Variants in MYH10 observed in about 807,000 individuals in gnomAD.
MYH10 encodes myosin heavy chain 10.
A neutral mutation model predicts 257.8 loss-of-function variants in MYH10; 55 were observed. That is an observed-to-expected ratio of 0.21 (90% CI 0.17 to 0.27). MYH10 has a LOEUF of 0.27. Ranked by LOEUF, MYH10 falls within the 10% of genes least tolerant of loss-of-function variation. MYH10 has a pLI of 1.00. For missense variants in MYH10, 1,631 were observed against 2,500.6 expected, an observed-to-expected ratio of 0.65 and a Z score of 7.42; for synonymous variants, 854 against 921.7, an observed-to-expected ratio of 0.93 and a Z score of 1.33.
intron 17 of MYH10, among the ~76,000 whole-genome samples, chr17:8,521,899 G>A (rs2081666425): frequency 6.6e-6 from 1 of 152,158 alleles, no homozygotes; most frequent in South Asian, 2.1e-4. Flanking sequence ...TTACTAAAGG[G>A]CAAGAACACA....
Position 8,516,645 on chromosome 17 carries a change from C to T in MYH10, c.2504+1986G>A, listed in dbSNP as rs561430140. Among the ~76,000 whole-genome samples, 4 of 152,294 alleles carry T rather than the reference C, an allele frequency of 2.6e-5. 1 individual carries two copies. The highest frequency in any genetic ancestry group is 4.1e-4 in the South Asian group (2 of 4,832). On this transcript the variant is annotated intron_variant, in intron 21 of 42. Transcript: ENST00000360416. ...CTGCACAAAGTATATCTATATACTT[C>T]GTTTCCTGCACTTTCGATAGTTGTA...
intron 29 of MYH10, among the ~76,000 whole-genome samples, chr17:8,500,326 C>T (rs564476094): frequency 1.1e-4 from 17 of 152,108 alleles, no homozygotes; most frequent in Admixed American, 5.2e-4. Context: ...TTCAGGAGAA[C>T]GGAAAGCCTG....
At chr17:8,550,217 G>A (rs978389488) in intron 9 of MYH10, among the ~76,000 whole-genome samples, 7 of 151,304 alleles carry the variant, frequency 4.6e-5, no homozygotes, top group African/African-American at 1.5e-4. Context: ...GTCTCCACCC[G>A]GCTGCCATCC....
chr17:8,535,353 C>T lies in MYH10; in HGVS notation c.1894+34G>A. The T allele has an allele frequency of 6.6e-7, 1 of 1,505,022 alleles. No homozygotes were observed. Among genetic ancestry groups the T allele is most frequent in the Non-Finnish European group, 9.2e-7 (1 of 1,085,594 alleles). The allele number at this position is 1,505,022 out of a possible 1,614,324, so 93.2% of individuals were successfully genotyped here. On this transcript the variant is annotated intron_variant, in intron 16 of 42. Transcript: ENST00000360416. The surrounding 1 kb of genome is among the most constrained non-coding windows in gnomAD (Gnocchi z 4.3). ...AAACCTTAATTATAAAAGATTCCAG[C>T]CAAGCATGATTACAAAGATAAGCAC...
intron 24 of MYH10, chr17:8,511,041 TATATATATATATATATATACAC>T (rs2081264399): frequency 1.2e-4 from 1 of 8,440 alleles, no homozygotes; most frequent in African/African-American, 1.7e-4. Flanking sequence ...TATATATATA[TATATATATATATATATATACAC>T]ACATACATAC....
intron 35 of MYH10, 69 bp from the exon 36 acceptor site, chr17:8,487,663 T>TG: frequency 1.3e-6 from 2 of 1,577,304 alleles, no homozygotes; most frequent in Non-Finnish European, 1.7e-6. Context: ...CAGACTGTTC[T>TG]CAAGTGGGGG....
Position 8,506,162 on chromosome 17 carries a change from C to G in MYH10, c.3386+156G>C. 1.6e-6 allele frequency: 1 copy of G among 638,500 alleles called. No homozygotes were observed. The highest frequency in any genetic ancestry group is 2.5e-6 in the Non-Finnish European group (1 of 396,898). The allele number at this position is 638,500 out of a possible 1,614,324, so 39.6% of individuals were successfully genotyped here. On this transcript the variant is annotated intron_variant, in intron 27 of 42. Coordinates refer to ENST00000360416, the MANE Select transcript of MYH10 (RefSeq NM_001256012.3). This position sits in a 1 kb window ranked among gnomAD's most constrained non-coding sequence, Gnocchi z 5.0. ...CTTTCTTGCTGTCCTGACACAAATT[C>G]TGTACGCCTGGGCTTTTCACTTTCT...
At chr17:8,628,569 T>C (rs757198048) in intron 1 of MYH10, among the ~76,000 whole-genome samples, 2 of 152,210 alleles carry the variant, frequency 1.3e-5, no homozygotes, top group Non-Finnish European at 2.9e-5. Context: ...ACTGCTACCA[T>C]TGAGGTCACT....
chr17:8,560,526 A>AT, intron 7 of MYH10: 1 of 618,692 alleles, frequency 1.6e-6, no homozygotes, highest in Non-Finnish European at 2.9e-6. Flanking sequence ...CCTTTGGCCC[A>AT]TGCAGCTCCT....
rs755190299 is a variant in MYH10, at chr17:8,478,453, A to C, written c.5598-7T>G. On this transcript the variant is annotated splice_region_variant and splice_polypyrimidine_tract_variant and intron_variant, in intron 40 of 42. Transcript: ENST00000360416. ...GTTGGCGGCTGCTCGTTCCCTGTGA[A>C]AGTGGTCACAGTAGTTTTGAAATTC... is the stretch of plus-strand genomic sequence containing the variant. 5 of 1,612,988 alleles carry C rather than the reference A, an allele frequency of 3.1e-6. No homozygotes were observed. The Admixed American group carries it at 5.0e-5, about 16-fold the overall frequency.
chr17:8,628,350 C>T (rs1003159368), intron 1 of MYH10, among the ~76,000 whole-genome samples: 2 of 152,182 alleles, frequency 1.3e-5, no homozygotes, highest in Non-Finnish European at 2.9e-5. Flanking sequence ...GGCTCCACCC[C>T]CAGGTCATTT....
At chr17:8,511,037 T>TACAC (rs1180750862) in intron 24 of MYH10, 4 of 17,622 alleles carry the variant, frequency 2.3e-4, no homozygotes, top group African/African-American at 3.6e-4. Context: ...TATATATATA[T>TACAC]ATATATATAT....
At chr17:8,566,993 G>A (rs268450) in intron 7 of MYH10, among the ~76,000 whole-genome samples, 146,707 of 152,222 alleles carry the variant, frequency 0.96, 70,937 homozygotes, top group East Asian at 1. Context: ...GGGGGTGGGG[G>A]AAACAGAATA....
chr17:8,505,730 C>T (rs1567813480), intron 27 of MYH10, among the ~76,000 whole-genome samples: 1 of 152,196 alleles, frequency 6.6e-6, no homozygotes, highest in Non-Finnish European at 1.5e-5. Context: ...CCTGTAATCC[C>T]AGCACTTTGG....
chr17:8,557,300 T>G (rs2082836853), intron 7 of MYH10, among the ~76,000 whole-genome samples: 1 of 152,124 alleles, frequency 6.6e-6, no homozygotes, highest in Non-Finnish European at 1.5e-5. Flanking sequence ...CACCCCATTT[T>G]CCTATTAAAA....
At chr17:8,494,938 C>T (rs559773384) in intron 31 of MYH10, among the ~76,000 whole-genome samples, 199 bp downstream of exon 31, 152 of 152,344 alleles carry the variant, frequency 1.0e-3, no homozygotes, top group African/African-American at 3.3e-3. Context: ...GCCAGACACA[C>T]GAACCCCAGG....
At chr17:8,600,875 G>A (rs1178667694) in intron 3 of MYH10, among the ~76,000 whole-genome samples, 1 of 152,222 alleles carries the variant, frequency 6.6e-6, no homozygotes, top group Non-Finnish European at 1.5e-5. Context: ...GTGGGGGAAA[G>A]CCAAGTCTCG....
At position 8,513,876 on chromosome 17, in the gene MYH10, C is replaced by T; in HGVS notation, c.2523G>A (p.Gln841=). ...YLARKAFAKK[Q]QQLSALKVLQ... is the part of the protein sequence containing the mutation. ...AGACCTTTAAGGCACTTAGTTGCTG[C>T]TGCTTCTTGGCAAAGGCCCTGAAGA... The change falls in exon 22 of 43, where the codon CAG becomes CAA. Residue 841 remains glutamine, a synonymous_variant. Coordinates refer to ENST00000360416, the MANE Select transcript of MYH10 (RefSeq NM_001256012.3). 6.2e-7 allele frequency: 1 copy of T among 1,614,144 alleles called. No individual in the cohort carries two copies. Among genetic ancestry groups the T allele is most frequent in the Non-Finnish European group, 8.5e-7 (1 of 1,179,974 alleles).
chr17:8,553,858 C>T lies in MYH10; in HGVS notation c.820+97G>A. 7 of 954,908 alleles carry T rather than the reference C, an allele frequency of 7.3e-6. No homozygotes were observed. In the South Asian group the frequency reaches 1.0e-4, roughly 14 times the overall value. 59.2% of individuals were successfully genotyped at this position (954,908 alleles called of 1,614,324 possible). On this transcript the variant is annotated intron_variant, in intron 8 of 42. Coordinates refer to ENST00000360416, the MANE Select transcript of MYH10 (RefSeq NM_001256012.3). ...TATCTCTGGGCTCAAGTTTTATCAT[C>T]TGGATTTTGGGAGTGATATCACAGA...
Sources: gnomAD v4.1 joint callset for allele counts (sites outside exome capture counted in the v4.1 genomes callset) on GRCh38, gnomAD v4.1.1 for gene constraint, Gnocchi (gnomAD v3.1) non-coding constraint, MANE v1.5 for transcripts, NCBI Gene and HGNC (gene_info 2026-07-23, HGNC 2026-07-21) for gene names.